ITPR1: variants seen among roughly 807,000 people sequenced by gnomAD.
The protein encoded by ITPR1 is inositol 1,4,5-trisphosphate-gated calcium channel ITPR1.
In ITPR1, 96 loss-of-function variants were observed where a neutral mutation model predicts 318.4. The ratio of observed to expected loss-of-function variants is 0.30; its 90% CI spans 0.26 to 0.36. The LOEUF is 0.36. Among genes scored for constraint, ITPR1 ranks in the 10% least tolerant of loss-of-function variants. The probability of loss-of-function intolerance (pLI) is 1.00; values close to 1 mark genes in which losing one functional copy is unlikely to be tolerated. For missense variants in ITPR1, 2,440 were observed against 3,460.2 expected, an observed-to-expected ratio of 0.71 and a Z score of 7.40; for synonymous variants, 1,312 against 1,289.9, an observed-to-expected ratio of 1.02 and a Z score of -0.37.
In ITPR1 at chr3:4,645,458, C is replaced by A; in HGVS notation, c.696C>A (p.Asp232Glu). 2 of 1,612,558 alleles carry A rather than the reference C, an allele frequency of 1.2e-6. No individual in the cohort carries two copies. Among genetic ancestry groups the A allele is most frequent in the Non-Finnish European group, 8.5e-7 (1 of 1,178,720 alleles). The change falls in exon 9 of 62, where the codon GAC (aspartate) becomes GAA (glutamate). Residue 232 changes from aspartate to glutamate, a missense_variant. Asp to Glu is a conservative substitution (Grantham distance 45). Coordinates refer to ENST00000649015, the MANE Select transcript of ITPR1 (RefSeq NM_001378452.1). Reference protein sequence around the residue: ...LFMKWSDNKDDILKGGDVVRL... With the variant: ...LFMKWSDNKDEILKGGDVVRL... ...TGAAATGGAGTGATAACAAAGACGA[C>A]ATATTAAAGGGGGTGAGTTTGATGC...
chr3:4,737,057 G>A (rs1189198004), intron 44 of ITPR1, among the ~76,000 whole-genome samples: 1 of 152,048 alleles, frequency 6.6e-6, no homozygotes, highest in East Asian at 1.9e-4. Flanking sequence ...TTTATCCTTA[G>A]CCACAGTGTC....
chr3:4,758,788 A>G (rs901695870), intron 44 of ITPR1, among the ~76,000 whole-genome samples: 26 of 152,306 alleles, frequency 1.7e-4, no homozygotes, highest in African/African-American at 6.0e-4. Flanking sequence ...GCTCCTTGCT[A>G]TCCAGCCATG....
intron 61 of ITPR1, among the ~76,000 whole-genome samples, chr3:4,842,364 T>C (rs2051411050): frequency 6.6e-6 from 1 of 152,140 alleles, no homozygotes; most frequent in South Asian, 2.1e-4. Flanking sequence ...TTGGTTTGGG[T>C]TTTTTGCTTT....
chr3:4,697,373 G>A, intron 34 of ITPR1, 101 bp downstream of exon 34: 1 of 1,100,910 alleles, frequency 9.1e-7, no homozygotes, highest in Non-Finnish European at 1.3e-6. Flanking sequence ...GTGCACACAT[G>A]AAGAAAACAG....
At chr3:4,688,143 C>A (rs35817945) in intron 30 of ITPR1, among the ~76,000 whole-genome samples, 63,100 of 151,726 alleles carry the variant, frequency 0.42, 14,134 homozygotes, top group Non-Finnish European at 0.53. Flanking sequence ...GTGATCCACC[C>A]AAAGGGGTGG....
intron 39 of ITPR1, among the ~76,000 whole-genome samples, chr3:4,716,910 C>T (rs554666958): frequency 5.9e-5 from 9 of 152,254 alleles, no homozygotes; most frequent in South Asian, 4.1e-4. Flanking sequence ...CAGCTGGTAC[C>T]GTTTGAGCTT....
intron 44 of ITPR1, chr3:4,751,472 G>A (rs973893526): frequency 2.2e-4 from 34 of 152,282 alleles, no homozygotes; most frequent in African/African-American, 7.2e-4. Flanking sequence ...GAGACACTTA[G>A]AAGATGTGAG....
chr3:4,810,546 C>T (rs533244481), intron 55 of ITPR1, among the ~76,000 whole-genome samples: 3 of 152,268 alleles, frequency 2.0e-5, no homozygotes, highest in East Asian at 1.9e-4. Flanking sequence ...AATGTCCCTG[C>T]GATACACCAG....
chr3:4,520,464 A>G (rs1032165589), intron 3 of ITPR1, among the ~76,000 whole-genome samples: 1 of 152,056 alleles, frequency 6.6e-6, no homozygotes, highest in Non-Finnish European at 1.5e-5. Flanking sequence ...CTAGCCTCCA[A>G]CATCTATTTC....
intron 60 of ITPR1, among the ~76,000 whole-genome samples, chr3:4,834,180 A>G (rs957228400): frequency 6.6e-6 from 1 of 152,240 alleles, no homozygotes; most frequent in East Asian, 1.9e-4. Flanking sequence ...GGCACCAGCC[A>G]CCAGGACTGG....
At chr3:4,595,437 C>G (rs886868035) in intron 4 of ITPR1, among the ~76,000 whole-genome samples, 5 of 152,324 alleles carry the variant, frequency 3.3e-5, no homozygotes. Flanking sequence ...CGAAGCCATT[C>G]ATGAAGGATC....
chr3:4,750,520 C>T (rs530506258), intron 44 of ITPR1: 10 of 152,148 alleles, frequency 6.6e-5, no homozygotes, highest in Non-Finnish European at 1.5e-4. Flanking sequence ...AGACAAGAGT[C>T]GCTGAGAAGG....
chr3:4,543,511 G>A (rs1010848666), intron 4 of ITPR1, among the ~76,000 whole-genome samples: 3 of 152,208 alleles, frequency 2.0e-5, no homozygotes, highest in South Asian at 4.1e-4. Flanking sequence ...CACTGTGATG[G>A]TAATCAAGGG....
intron 60 of ITPR1, among the ~76,000 whole-genome samples, chr3:4,824,554 C>T (rs996987587): frequency 2.0e-5 from 3 of 152,148 alleles, no homozygotes; most frequent in Non-Finnish European, 4.4e-5. Context: ...TGGCTGGCGG[C>T]ATCTGGTTTG....
At chr3:4,807,885 C>G (rs1006701342) in intron 55 of ITPR1, among the ~76,000 whole-genome samples, 2 of 152,288 alleles carry the variant, frequency 1.3e-5, no homozygotes, top group African/African-American at 2.4e-5. Flanking sequence ...CTTGGGAGGG[C>G]GGCAGAGTTC....
At chr3:4,562,673 G>T (rs1474495910) in intron 4 of ITPR1, among the ~76,000 whole-genome samples, 1 of 151,786 alleles carries the variant, frequency 6.6e-6, no homozygotes, top group African/African-American at 2.4e-5. Context: ...TGAATAAACT[G>T]CAAGACTTTG....
chr3:4,803,640 A>T (rs1236596111), intron 54 of ITPR1, among the ~76,000 whole-genome samples: 1 of 152,172 alleles, frequency 6.6e-6, no homozygotes, highest in Non-Finnish European at 1.5e-5. Flanking sequence ...AATACAAAAG[A>T]ATTACATAAA....
chr3:4,526,347 A>T (rs1292580228), intron 4 of ITPR1, among the ~76,000 whole-genome samples: 5 of 152,238 alleles, frequency 3.3e-5, no homozygotes, highest in Admixed American at 6.5e-5. Flanking sequence ...CAGACTGAAT[A>T]TGTGGATGTT....
chr3:4,787,122 G>T (rs2633718), intron 51 of ITPR1, among the ~76,000 whole-genome samples: 1 of 151,790 alleles, frequency 6.6e-6, no homozygotes, highest in Admixed American at 6.5e-5. Context: ...GGCTGTCCTC[G>T]TGGATAGGAC....
Sources: gnomAD v4.1 joint callset for allele counts (sites outside exome capture counted in the v4.1 genomes callset) on GRCh38, gnomAD v4.1.1 for gene constraint, MANE v1.5 for transcripts, NCBI Gene and HGNC (gene_info 2026-07-23, HGNC 2026-07-21) for gene names.